The following NTNG1 variants were observed in gnomAD, a reference collection of about 807,000 sequenced individuals.
The protein encoded by NTNG1 is netrin-G1.
In NTNG1, 16 loss-of-function variants were observed where a neutral mutation model predicts 54.0. That is an observed-to-expected ratio of 0.30 (90% CI 0.20 to 0.45). NTNG1 has a LOEUF of 0.45. Ranked by LOEUF, NTNG1 falls within the 20% of genes least tolerant of loss-of-function variation. The pLI, the probability that NTNG1 is intolerant of heterozygous loss-of-function variation, is 1.00. For synonymous variants in NTNG1, 255 were observed against 263.1 expected, an observed-to-expected ratio of 0.97 and a Z score of 0.30; for missense variants, 530 against 678.7, an observed-to-expected ratio of 0.78 and a Z score of 2.43.
At chr1:107,410,279 T>C (rs1281244607) in intron 5 of NTNG1, 1 of 152,160 alleles carries the variant, frequency 6.6e-6, no homozygotes, top group East Asian at 1.9e-4. Flanking sequence ...TACACAGTGA[T>C]TAAAGGTTTT....
intron 3 of NTNG1, among the ~76,000 whole-genome samples, chr1:107,375,205 C>T (rs1053445240): frequency 6.6e-6 from 1 of 152,190 alleles, no homozygotes; most frequent in African/African-American, 2.4e-5. Flanking sequence ...TTAGCCTTGA[C>T]TCTAGCATCC....
chr1:107,184,999 C>A (rs1462443548), intron 2 of NTNG1, among the ~76,000 whole-genome samples: 1 of 152,112 alleles, frequency 6.6e-6, no homozygotes, highest in Non-Finnish European at 1.5e-5. Context: ...TGTCTCCTCA[C>A]GTGTCTGGCA....
chr1:107,369,237 A>G (rs1670777324), intron 3 of NTNG1, among the ~76,000 whole-genome samples: 1 of 152,158 alleles, frequency 6.6e-6, no homozygotes, highest in African/African-American at 2.4e-5. Flanking sequence ...TTTTATGGGC[A>G]TATATTTTCT....
intron 3 of NTNG1, among the ~76,000 whole-genome samples, chr1:107,359,570 A>C (rs1209039566): frequency 2.6e-5 from 4 of 152,126 alleles, no homozygotes; most frequent in African/African-American, 9.7e-5. Context: ...AGGCATCAGA[A>C]GTGAAGGGTG....
intron 2 of NTNG1, among the ~76,000 whole-genome samples, chr1:107,152,739 G>A (rs187101954): frequency 2.6e-4 from 40 of 152,270 alleles, no homozygotes; most frequent in Admixed American, 4.6e-4. Context: ...ATAATATTAT[G>A]AGGTGGACAT....
chr1:107,477,159 G>T (rs1290468570), intron 7 of NTNG1, among the ~76,000 whole-genome samples: 4 of 152,188 alleles, frequency 2.6e-5, no homozygotes, highest in East Asian at 1.9e-4. Flanking sequence ...CCTCTAAGGT[G>T]GGGTAATGGC....
rs764191117 is a variant in NTNG1 at position 107,386,095 on chromosome 1, G to GTA, written c.888-9048_888-9047dup. Among the ~76,000 whole-genome samples, 1,010 of 139,160 alleles carry GTA rather than the reference G, an allele frequency of 7.3e-3. 6 individuals are homozygous for GTA. Among genetic ancestry groups the GTA allele is most frequent in the Middle Eastern group, 0.027 (7 of 256 alleles). 91.3% of individuals were successfully genotyped at this position (139,160 alleles called of 152,430 possible). ...TATACATATATATACTTATATGTAT[G>GTA]TATATATATATACACATATATATAC... On this transcript the variant is annotated intron_variant, in intron 3 of 7. Coordinates refer to ENST00000370068, the MANE Select transcript of NTNG1 (RefSeq NM_001113226.3).
In NTNG1 at chr1:107,482,494, CAA is replaced by C. The variant is rs1678789895; in HGVS notation, c.*1656_*1657del. 1 of 152,208 alleles carries C rather than the reference CAA, an allele frequency of 6.6e-6. No individual in the cohort carries two copies. Among genetic ancestry groups the C allele is most frequent in the South Asian group, 2.1e-4 (1 of 4,824 alleles). 9.4% of individuals were successfully genotyped at this position (152,208 alleles called of 1,614,324 possible). On this transcript the variant is annotated 3_prime_UTR_variant, in exon 8 of 8. Coordinates refer to ENST00000370068, the MANE Select transcript of NTNG1 (RefSeq NM_001113226.3). ...GGAGGCAGGTGGGGAAGAACCTTTG[CAA>C]AGTTTCAAAGAGGCTAAGACAGTGT...
intron 7 of NTNG1, among the ~76,000 whole-genome samples, chr1:107,455,311 G>A (rs574880476): frequency 3.7e-4 from 56 of 152,246 alleles, no homozygotes; most frequent in African/African-American, 1.3e-3. Context: ...TGATCTTCCC[G>A]CCTCAGCCTC....
chr1:107,442,612 C>T (rs115790087), intron 7 of NTNG1, among the ~76,000 whole-genome samples: 1 of 139,726 alleles, frequency 7.2e-6, no homozygotes, highest in South Asian at 2.3e-4. Context: ...CATTAAAGCT[C>T]AATTTTAGAC....
intron 2 of NTNG1, among the ~76,000 whole-genome samples, chr1:107,313,769 C>A (rs759546674): frequency 3.9e-4 from 59 of 152,254 alleles, no homozygotes; most frequent in Non-Finnish European, 5.1e-4. Flanking sequence ...TTGATGTTTT[C>A]TTCAAACTGT....
intron 3 of NTNG1, among the ~76,000 whole-genome samples, chr1:107,375,288 C>T (rs1352605669): frequency 6.6e-6 from 1 of 152,242 alleles, no homozygotes; most frequent in African/African-American, 2.4e-5. Context: ...CTCCTTTCTA[C>T]ACTCTGGCAA....
intron 2 of NTNG1, among the ~76,000 whole-genome samples, 189 bp from the exon 3 acceptor site, chr1:107,324,093 G>A (rs1227271865): frequency 2.0e-5 from 3 of 151,400 alleles, no homozygotes; most frequent in Non-Finnish European, 2.9e-5. Context: ...AACAAGACAA[G>A]AAAATTACCA....
chr1:107,481,341 G>C lies in NTNG1; in HGVS notation c.*501G>C, dbSNP rs988998798. 3.2e-5 allele frequency: 5 copies of C among 155,600 alleles called. No homozygotes were observed. The highest frequency in any genetic ancestry group is 2.6e-4 in the Admixed American group (4 of 15,686). The allele number at this position is 155,600 out of a possible 1,614,324, so 9.6% of individuals were successfully genotyped here. ...TGAATCCCTTCCAACCTGTGCTTTAGTGAACGTTGCTCTGTAACCCTTGTT... is the reference window on the plus strand; with the variant it reads ...TGAATCCCTTCCAACCTGTGCTTTACTGAACGTTGCTCTGTAACCCTTGTT... On this transcript the variant is annotated 3_prime_UTR_variant, in exon 8 of 8. Coordinates refer to ENST00000370068, the MANE Select transcript of NTNG1 (RefSeq NM_001113226.3).
At chr1:107,278,670 CCCCACTATGA>C (rs1454622739) in intron 2 of NTNG1, among the ~76,000 whole-genome samples, 3 of 152,062 alleles carry the variant, frequency 2.0e-5, no homozygotes, top group Non-Finnish European at 1.5e-5. Context: ...TGTACTGATT[CCCCACTATGA>C]AATATGAGGA....
At chr1:107,318,078 C>A (rs1295522822) in intron 2 of NTNG1, among the ~76,000 whole-genome samples, 1 of 152,090 alleles carries the variant, frequency 6.6e-6, no homozygotes. Flanking sequence ...CCACTTTATC[C>A]ACAGTTTTAA....
At chr1:107,432,459 ATG>A (rs1040638835) in intron 6 of NTNG1, among the ~76,000 whole-genome samples, 3 of 152,204 alleles carry the variant, frequency 2.0e-5, no homozygotes, top group Non-Finnish European at 2.9e-5. Flanking sequence ...TACTTATGGT[ATG>A]TGTTTTGGAT....
intron 2 of NTNG1, among the ~76,000 whole-genome samples, chr1:107,270,587 A>T (rs1026086989): frequency 9.2e-5 from 14 of 152,158 alleles, no homozygotes; most frequent in Admixed American, 1.3e-4. Flanking sequence ...CTGTAGGAAG[A>T]GCTGTTTACC....
intron 3 of NTNG1, among the ~76,000 whole-genome samples, chr1:107,366,934 A>G (rs1441520338): frequency 2.0e-5 from 3 of 152,202 alleles, no homozygotes; most frequent in Non-Finnish European, 2.9e-5. Flanking sequence ...GAGTTACTGT[A>G]CAAAATCTTG....
Sources: gnomAD v4.1 joint callset for allele counts (sites outside exome capture counted in the v4.1 genomes callset) on GRCh38, gnomAD v4.1.1 for gene constraint, MANE v1.5 for transcripts, NCBI Gene and HGNC (gene_info 2026-07-23, HGNC 2026-07-21) for gene names.